Variants in ZBTB44 observed in about 807,000 individuals in gnomAD.
The protein encoded by ZBTB44 is zinc finger and BTB domain-containing protein 44.
A neutral mutation model predicts 54.0 loss-of-function variants in ZBTB44; 15 were observed. The ratio of observed to expected loss-of-function variants is 0.28; its 90% CI spans 0.19 to 0.43. ZBTB44 has a LOEUF of 0.43. Ranked by LOEUF, ZBTB44 falls within the 20% of genes least tolerant of loss-of-function variation. ZBTB44 has a pLI of 1.00. For missense variants in ZBTB44, 487 were observed against 707.1 expected, an observed-to-expected ratio of 0.69 and a Z score of 3.53; for synonymous variants, 230 against 250.1, an observed-to-expected ratio of 0.92 and a Z score of 0.76.
At chr11:130,268,098 G>A (rs926243302) in intron 1 of ZBTB44, among the ~76,000 whole-genome samples, 5 of 149,710 alleles carry the variant, frequency 3.3e-5, no homozygotes, top group Admixed American at 6.7e-5. Context: ...AAATCCTCAC[G>A]AAAGAAAGAT....
At position 130,236,832 on chromosome 11, in the gene ZBTB44, T is replaced by C; in HGVS notation, c.1529A>G (p.Asn510Ser). The change falls in exon 5 of 8, where the codon AAC becomes AGC. Residue 510 changes from asparagine (N) to serine (S), a missense_variant. Asn to Ser is a conservative substitution (Grantham distance 46). This residue lies in a region of ZBTB44 where 120 missense variants were observed against 240.3 expected (regional missense o/e 0.50). Transcript: ENST00000357899. Reference sequence around the variant, plus strand: ...GTTTGCTAGCTCTGATGCTTCATGGTTCAGACTCCTCAGGTGCACGATTAA... The same window carrying C: ...GTTTGCTAGCTCTGATGCTTCATGGCTCAGACTCCTCAGGTGCACGATTAA... ...GNLIVHLRSL[N>S]HEASELANYF... is the part of the protein sequence containing the mutation. 2 of 1,422,178 alleles carry C rather than the reference T, an allele frequency of 1.4e-6. No individual in the cohort carries two copies. The highest frequency in any genetic ancestry group is 1.8e-6 in the Non-Finnish European group (2 of 1,087,650). The allele number at this position is 1,422,178 out of a possible 1,614,324, so 88.1% of individuals were successfully genotyped here. A position where few individuals can be genotyped will look rare whatever the true frequency, so the allele number is the denominator to read the frequency against.
At chr11:130,244,685 AAG>A (rs1327367752) in intron 2 of ZBTB44, among the ~76,000 whole-genome samples, 4 of 77,142 alleles carry the variant, frequency 5.2e-5, no homozygotes, top group Non-Finnish European at 4.3e-5. Context: ...AAAAAAAAAA[AAG>A]AAAGAAAATG....
At chr11:130,240,111 G>A (rs1040157406) in intron 2 of ZBTB44, among the ~76,000 whole-genome samples, 11 of 146,126 alleles carry the variant, frequency 7.5e-5, no homozygotes, top group Admixed American at 5.0e-4. Context: ...GCGCGATCTC[G>A]GCTCACTGCA....
chr11:130,237,778 A>G (rs943359330), intron 4 of ZBTB44, among the ~76,000 whole-genome samples: 5 of 152,230 alleles, frequency 3.3e-5, no homozygotes, highest in African/African-American at 1.2e-4. Flanking sequence ...AGACCTATCT[A>G]CAGAAGGGGA....
At chr11:130,283,677 C>T (rs1039550674) in intron 1 of ZBTB44, among the ~76,000 whole-genome samples, 1 of 151,740 alleles carries the variant, frequency 6.6e-6, no homozygotes, top group African/African-American at 2.4e-5. Context: ...ATTAAAAAGG[C>T]AAAGCAGGCC....
chr11:130,234,371 C>G (rs746480766), intron 5 of ZBTB44, 98 bp from the exon 6 acceptor site: 66 of 1,221,582 alleles, frequency 5.4e-5, no homozygotes, highest in Non-Finnish European at 6.9e-5. Flanking sequence ...AAAATTGGGA[C>G]TCTTCATTTC....
At chr11:130,238,422 C>A (rs1291439703) in intron 4 of ZBTB44, 22 bp downstream of exon 4, 1 of 1,593,950 alleles carries the variant, frequency 6.3e-7, no homozygotes, top group Non-Finnish European at 8.5e-7. Flanking sequence ...CACTTACGCA[C>A]CAACAGGGAA....
chr11:130,295,711 T>C (rs549822743), intron 1 of ZBTB44: 4 of 1,526,080 alleles, frequency 2.6e-6, no homozygotes, highest in Admixed American at 1.7e-5. Flanking sequence ...AGGGATCTTC[T>C]AGCAGCTGCA....
At chr11:130,249,087 G>A (rs1333321712) in intron 2 of ZBTB44, among the ~76,000 whole-genome samples, 1 of 152,198 alleles carries the variant, frequency 6.6e-6, no homozygotes, top group African/African-American at 2.4e-5. Context: ...CTGGGTGACA[G>A]AGTGAGACTC....
At chr11:130,289,658 T>A (rs986204012) in intron 1 of ZBTB44, among the ~76,000 whole-genome samples, 1 of 152,038 alleles carries the variant, frequency 6.6e-6, no homozygotes, top group Non-Finnish European at 1.5e-5. Context: ...ATATCTGTAT[T>A]GAAGGCCTAG....
intron 1 of ZBTB44, among the ~76,000 whole-genome samples, chr11:130,288,400 AT>A (rs1234186427): frequency 9.2e-5 from 14 of 151,574 alleles, no homozygotes; most frequent in African/African-American, 3.4e-4. Flanking sequence ...AATAAATAAA[AT>A]AAAATAAAAA....
Position 130,261,999 on chromosome 11 carries a change from A to G in ZBTB44, c.-56-70T>C. On this transcript the variant is annotated intron_variant, in intron 1 of 7. Coordinates refer to ENST00000357899, the MANE Select transcript of ZBTB44 (RefSeq NM_001301098.2). The surrounding 1 kb of genome is among the most constrained non-coding windows in gnomAD (Gnocchi z 4.8). ...TTAAAATGTGATTTAGATCATTTTC[A>G]TGTGGCCACTGTACTAAATTAAAAA... is the stretch of plus-strand genomic sequence containing the variant. The G allele has an allele frequency of 8.8e-7, 1 of 1,135,568 alleles. No homozygotes were observed. The highest frequency in any genetic ancestry group is 1.2e-6 in the Non-Finnish European group (1 of 828,872). The allele number at this position is 1,135,568 out of a possible 1,614,324, so 70.3% of individuals were successfully genotyped here. A position where few individuals can be genotyped will look rare whatever the true frequency, so the allele number is the denominator to read the frequency against.
At chr11:130,292,783 A>G (rs1941381446) in intron 1 of ZBTB44, among the ~76,000 whole-genome samples, 1 of 152,354 alleles carries the variant, frequency 6.6e-6, no homozygotes, top group African/African-American at 2.4e-5. Context: ...TAGAAACTTC[A>G]TGTTAAACTT....
rs143747012 is a variant in ZBTB44, at chr11:130,295,424, T to A, written c.-57+18951A>T. On this transcript the variant is annotated intron_variant, in intron 1 of 7. Coordinates refer to ENST00000357899, the MANE Select transcript of ZBTB44 (RefSeq NM_001301098.2). ...GAAAAATGGTGAATGATGCTGGGAC[T>A]GATACAAAAAAAGCAAAAACTGAAA... Among the ~76,000 whole-genome samples the A allele has an allele frequency of 9.9e-4, 150 of 152,100 alleles. 1 individual carries two copies. Among genetic ancestry groups the A allele is most frequent in the East Asian group, 1.4e-3 (7 of 5,164 alleles).
chr11:130,254,703 G>A (rs890391974), intron 2 of ZBTB44, among the ~76,000 whole-genome samples: 1 of 152,132 alleles, frequency 6.6e-6, no homozygotes, highest in African/African-American at 2.4e-5. Flanking sequence ...AATACCATTT[G>A]ACCCAGCCAT....
chr11:130,278,732 T>C (rs1429272933), intron 1 of ZBTB44, among the ~76,000 whole-genome samples: 1 of 152,216 alleles, frequency 6.6e-6, no homozygotes, highest in Non-Finnish European at 1.5e-5. Flanking sequence ...GAATTTTCGG[T>C]TAATTATTTT....
intron 1 of ZBTB44, among the ~76,000 whole-genome samples, chr11:130,262,795 C>T (rs188764049): frequency 0.012 from 1,892 of 151,898 alleles, 18 homozygotes; most frequent in Non-Finnish European, 0.02. Flanking sequence ...TGGTGGCTCA[C>T]GTCTGTAATC....
chr11:130,286,111 G>C (rs1423112393), intron 1 of ZBTB44, among the ~76,000 whole-genome samples: 1 of 152,176 alleles, frequency 6.6e-6, no homozygotes. Context: ...ACTCATTACA[G>C]TCAATTCCTT....
Position 130,233,005 on chromosome 11 carries a change from T to TA in ZBTB44, c.*48+302dup, listed in dbSNP as rs1202124956. 245 of 244,494 alleles carry TA rather than the reference T, an allele frequency of 1.0e-3. 1 individual carries two copies. The highest frequency in any genetic ancestry group is 7.4e-3 in the East Asian group (89 of 12,016). 15.1% of individuals were successfully genotyped at this position (244,494 alleles called of 1,614,324 possible). On this transcript the variant is annotated intron_variant, in intron 7 of 7. Coordinates refer to ENST00000357899, the MANE Select transcript of ZBTB44 (RefSeq NM_001301098.2). The stretch of plus-strand genomic sequence containing the variant: ...GCAACAGAGTGAGATGCCATTCTTT[T>TA]AAAAAAAAAGAAAAAAAAAAAGAAT...
Sources: allele counts gnomAD v4.1 joint callset (sites outside exome capture counted in the v4.1 genomes callset), GRCh38; gene constraint gnomAD v4.1.1; regional missense constraint gnomAD v4.1.1; non-coding constraint Gnocchi (gnomAD v3.1); transcripts MANE v1.5; gene names NCBI Gene and HGNC (gene_info 2026-07-23, HGNC 2026-07-21).